The following SLIT3 variants were observed in gnomAD, a reference collection of about 807,000 sequenced individuals.
The protein encoded by SLIT3 is slit homolog 3 protein.
SLIT3 carries 68 observed loss-of-function variants against 184.0 expected under a neutral mutation model. The ratio of observed to expected loss-of-function variants is 0.37; its 90% CI spans 0.30 to 0.45. The LOEUF (loss-of-function observed/expected upper bound fraction) is 0.45, where lower values mean the gene tolerates loss of function less well. SLIT3 is among the 20% of genes least tolerant of loss of function. The probability of loss-of-function intolerance (pLI) is 1.00; values close to 1 mark genes in which losing one functional copy is unlikely to be tolerated. For missense variants in SLIT3, 1,707 were observed against 2,026.0 expected (o/e 0.84, Z 3.02); for synonymous variants, 831 against 828.6 (o/e 1.00, Z -0.05).
intron 4 of SLIT3, among the ~76,000 whole-genome samples, chr5:169,184,182 A>G (rs769840936): frequency 2.0e-4 from 31 of 152,274 alleles, no homozygotes; most frequent in Non-Finnish European, 3.5e-4. Flanking sequence ...ACGTGCTTAT[A>G]TATACTCATA....
chr5:169,055,237 C>T (rs752504025), intron 4 of SLIT3, among the ~76,000 whole-genome samples: 2 of 152,156 alleles, frequency 1.3e-5, no homozygotes, highest in Non-Finnish European at 2.9e-5. Flanking sequence ...TGAATAAGAC[C>T]AAGTCCCTGC....
At chr5:168,883,152 A>T (rs916038257) in intron 5 of SLIT3, 113 bp downstream of exon 5, 9 of 761,334 alleles carry the variant, frequency 1.2e-5, no homozygotes, top group Non-Finnish European at 2.1e-5. Flanking sequence ...ACAGCCCTCA[A>T]TTTCATCTCT....
chr5:169,019,873 G>C (rs1272885138), intron 4 of SLIT3, among the ~76,000 whole-genome samples: 1 of 152,166 alleles, frequency 6.6e-6, no homozygotes, highest in Non-Finnish European at 1.5e-5. Flanking sequence ...GCCTCCAGCA[G>C]TGAAAACAGA....
At chr5:168,980,712 AC>A (rs1754918497) in intron 4 of SLIT3, among the ~76,000 whole-genome samples, 1 of 152,234 alleles carries the variant, frequency 6.6e-6, no homozygotes, top group Non-Finnish European at 1.5e-5. Flanking sequence ...TAGATTTACA[AC>A]GGTATCAGCA....
intron 4 of SLIT3, among the ~76,000 whole-genome samples, chr5:168,891,682 T>C (rs1370303198): frequency 6.6e-6 from 1 of 152,196 alleles, no homozygotes; most frequent in South Asian, 2.1e-4. Flanking sequence ...GGGAGCATTC[T>C]GACCAAAGGG....
At chr5:168,772,077 C>G (rs1053417955) in intron 14 of SLIT3, 8 of 152,222 alleles carry the variant, frequency 5.3e-5, no homozygotes, top group African/African-American at 1.9e-4. Flanking sequence ...ACTTCTCTTT[C>G]CAAGATAGGC....
intron 4 of SLIT3, among the ~76,000 whole-genome samples, chr5:169,098,306 T>C (rs1444330205): frequency 1.3e-5 from 2 of 152,192 alleles, no homozygotes; most frequent in Non-Finnish European, 2.9e-5. Flanking sequence ...ATCACACACG[T>C]GTGTGTATAC....
chr5:169,077,308 C>T (rs914244211), intron 4 of SLIT3, among the ~76,000 whole-genome samples: 9 of 152,018 alleles, frequency 5.9e-5, no homozygotes, highest in East Asian at 1.9e-4. Flanking sequence ...GAGGCTGAGG[C>T]GGGCGGATCA....
chr5:168,989,861 G>C (rs1388173636), intron 4 of SLIT3, among the ~76,000 whole-genome samples: 1 of 152,216 alleles, frequency 6.6e-6, no homozygotes, highest in Non-Finnish European at 1.5e-5. Context: ...TTTCTGCAAA[G>C]TGAAGGGGCC....
chr5:168,996,576 A>G (rs985822147), intron 4 of SLIT3, among the ~76,000 whole-genome samples: 3 of 152,194 alleles, frequency 2.0e-5, no homozygotes, highest in Admixed American at 6.5e-5. Context: ...TCGTGATGCC[A>G]CAGTAAATTC....
At chr5:168,809,689 C>T (rs1757102192) in intron 8 of SLIT3, among the ~76,000 whole-genome samples, 1 of 152,130 alleles carries the variant, frequency 6.6e-6, no homozygotes, top group African/African-American at 2.4e-5. Flanking sequence ...ACTCTCAGTG[C>T]CTAAAACAGG....
At chr5:169,251,958 G>A (rs1765789802) in intron 1 of SLIT3, among the ~76,000 whole-genome samples, 1 of 152,216 alleles carries the variant, frequency 6.6e-6, no homozygotes, top group Non-Finnish European at 1.5e-5. Flanking sequence ...AAAACAGTGA[G>A]CAGATGGTGC....
At chr5:169,079,211 A>G (rs1478839894) in intron 4 of SLIT3, among the ~76,000 whole-genome samples, 1 of 152,160 alleles carries the variant, frequency 6.6e-6, no homozygotes, top group Non-Finnish European at 1.5e-5. Flanking sequence ...AGGAGCCCCA[A>G]GTTTTCAGGC....
intron 6 of SLIT3, among the ~76,000 whole-genome samples, chr5:168,832,085 C>T (rs1757900751): frequency 6.6e-6 from 1 of 152,178 alleles, no homozygotes; most frequent in South Asian, 2.1e-4. Context: ...AACTGCCTTC[C>T]AATGATGGAG....
At chr5:168,757,478 A>G (rs751370819) in intron 16 of SLIT3, among the ~76,000 whole-genome samples, 22 of 152,106 alleles carry the variant, frequency 1.4e-4, no homozygotes, top group Non-Finnish European at 2.6e-4. Flanking sequence ...CTGTCCCCCA[A>G]GCTAGAGTGC....
chr5:169,300,810 C>A lies in SLIT3; in HGVS notation c.-101G>T, dbSNP rs1202876423. On this transcript the variant is annotated 5_prime_UTR_variant, in exon 1 of 36. Coordinates refer to ENST00000519560, the MANE Select transcript of SLIT3 (RefSeq NM_003062.4). This position sits in a 1 kb window ranked among gnomAD's most constrained non-coding sequence, Gnocchi z 4.1. ...GAGCGCGGGCGGCCTGGGGAGCGGG[C>A]GGCGGAGTTAGCGCGGAGGAGGGGC... 3 of 1,181,344 alleles carry A rather than the reference C, an allele frequency of 2.5e-6. No individual in the cohort carries two copies. The highest frequency in any genetic ancestry group is 4.4e-5 in the Admixed American group (1 of 22,786). The allele number at this position is 1,181,344 out of a possible 1,614,324, so 73.2% of individuals were successfully genotyped here. A position where few individuals can be genotyped will look rare whatever the true frequency, so the allele number is the denominator to read the frequency against.
intron 1 of SLIT3, among the ~76,000 whole-genome samples, chr5:169,265,551 G>A (rs774973742): frequency 1.3e-5 from 2 of 152,128 alleles, no homozygotes; most frequent in Non-Finnish European, 1.5e-5. Flanking sequence ...CAAACATAGC[G>A]CTTAAGGTGG....
chr5:169,253,687 G>T (rs912874951), intron 1 of SLIT3, among the ~76,000 whole-genome samples: 1 of 152,110 alleles, frequency 6.6e-6, no homozygotes, highest in Non-Finnish European at 1.5e-5. Context: ...TAGTTGAAGC[G>T]CATCTCTCCC....
intron 8 of SLIT3, among the ~76,000 whole-genome samples, chr5:168,815,615 T>C (rs1757313415): frequency 6.6e-6 from 1 of 152,246 alleles, no homozygotes; most frequent in African/African-American, 2.4e-5. Flanking sequence ...AGTGGGTGTC[T>C]ATAGGAAGTT....
Sources: gnomAD v4.1 joint callset for allele counts (sites outside exome capture counted in the v4.1 genomes callset) on GRCh38, gnomAD v4.1.1 for gene constraint, Gnocchi (gnomAD v3.1) non-coding constraint, MANE v1.5 for transcripts, NCBI Gene and HGNC (gene_info 2026-07-23, HGNC 2026-07-21) for gene names.